The following ADGRL3 variants were observed in gnomAD, a reference collection of about 807,000 sequenced individuals.
ADGRL3 encodes calcium-independent alpha-latrotoxin receptor 3.
In ADGRL3, 62 loss-of-function variants were observed where a neutral mutation model predicts 153.5. The ratio of observed to expected loss-of-function variants is 0.40; its 90% CI spans 0.33 to 0.50. The LOEUF (loss-of-function observed/expected upper bound fraction) is 0.50. Among genes scored for constraint, ADGRL3 ranks in the 20% least tolerant of loss-of-function variants. The pLI, the probability that ADGRL3 is intolerant of heterozygous loss-of-function variation, is 0.47. For synonymous variants in ADGRL3, 710 were observed against 672.5 expected, an observed-to-expected ratio of 1.06 and a Z score of -0.86; for missense variants, 1,641 against 1,859.4, an observed-to-expected ratio of 0.88 and a Z score of 2.16.
chr4:61,756,054 G>C (rs1302005676), intron 8 of ADGRL3, among the ~76,000 whole-genome samples: 1 of 152,152 alleles, frequency 6.6e-6, no homozygotes, highest in Non-Finnish European at 1.5e-5. Flanking sequence ...CAGGTAGCGT[G>C]ATGCCTCCAG....
rs143471819 is a variant in ADGRL3, at chr4:61,701,157, G to A, written c.583+24222G>A. Among the ~76,000 whole-genome samples the A allele has an allele frequency of 2.4e-4, 37 of 152,240 alleles. No individual in the cohort carries two copies. In the East Asian group the frequency reaches 5.8e-3, roughly 24 times the overall value. ...AAAAAGTTGTAAAATCTAGAGGACT[G>A]GAGAAGGAAGACAAATGAAGACATA... is the stretch of plus-strand genomic sequence containing the variant. On this transcript the variant is annotated intron_variant, in intron 6 of 26. Coordinates refer to ENST00000683033, the MANE Select transcript of ADGRL3 (RefSeq NM_001387552.1).
chr4:61,619,884 G>A (rs2092371952), intron 5 of ADGRL3, among the ~76,000 whole-genome samples: 1 of 152,162 alleles, frequency 6.6e-6, no homozygotes, highest in Admixed American at 6.5e-5. Context: ...TGCTAGCTAA[G>A]CAAAAATGTG....
At chr4:61,424,533 C>T (rs1247996149) in intron 2 of ADGRL3, among the ~76,000 whole-genome samples, 3 of 152,126 alleles carry the variant, frequency 2.0e-5, no homozygotes, top group Admixed American at 6.5e-5. Context: ...TGTGGGGGGT[C>T]ATTAGTAAGG....
Position 61,386,707 on chromosome 4 carries a change from C to T in ADGRL3, c.-174+3518C>T, listed in dbSNP as rs58345070. 2.3e-3 allele frequency among the ~76,000 whole-genome samples: 350 copies of T among 152,158 alleles called. 5 individuals are homozygous for T. The highest frequency in any genetic ancestry group is 8.0e-3 in the African/African-American group (334 of 41,534). ...TATGGCAACAAATAAAAATGTATTA[C>T]TTTATCAGCAAATATTTTTAGAAGA... On this transcript the variant is annotated intron_variant, in intron 2 of 26. Coordinates refer to ENST00000683033, the MANE Select transcript of ADGRL3 (RefSeq NM_001387552.1).
chr4:61,548,513 C>T (rs1579463201), intron 4 of ADGRL3, among the ~76,000 whole-genome samples: 1 of 152,140 alleles, frequency 6.6e-6, no homozygotes, highest in East Asian at 1.9e-4. Context: ...CTTAGTTATC[C>T]CAGCACCATT....
intron 1 of ADGRL3, among the ~76,000 whole-genome samples, chr4:61,225,034 T>C (rs544012749): frequency 2.9e-4 from 44 of 152,360 alleles, no homozygotes; most frequent in Middle Eastern, 6.8e-3. Context: ...TTAATTCTCT[T>C]TTCTGGTCTT....
At chr4:61,411,105 G>A (rs971058043) in intron 2 of ADGRL3, among the ~76,000 whole-genome samples, 4 of 152,124 alleles carry the variant, frequency 2.6e-5, no homozygotes, top group Admixed American at 2.6e-4. Context: ...AACTGCACTT[G>A]GTCATATGCC....
chr4:61,758,758 C>T (rs1385478809), intron 8 of ADGRL3, among the ~76,000 whole-genome samples: 1 of 152,128 alleles, frequency 6.6e-6, no homozygotes, highest in Admixed American at 6.6e-5. Context: ...TTAGTTGATG[C>T]AGTTTCTTCC....
At chr4:61,877,324 A>G (rs1284066800) in intron 9 of ADGRL3, among the ~76,000 whole-genome samples, 1 of 152,202 alleles carries the variant, frequency 6.6e-6, no homozygotes, top group Non-Finnish European at 1.5e-5. Context: ...CATTTATATA[A>G]CATCCCTGAA....
rs1254802738 is a variant in ADGRL3 at position 62,074,167 on chromosome 4, A to C, written c.*3259A>C. 3 of 151,946 alleles carry C rather than the reference A, an allele frequency of 2.0e-5. No homozygotes were observed. The highest frequency in any genetic ancestry group is 4.4e-5 in the Non-Finnish European group (3 of 67,978). The allele number at this position is 151,946 out of a possible 1,614,324, so 9.4% of individuals were successfully genotyped here. A position where few individuals can be genotyped will look rare whatever the true frequency, so the allele number is the denominator to read the frequency against. Reference sequence around the variant, plus strand: ...ACATTTATGACCTGCTTATCTGTATATTTTTATGTGTTCATCTGAATTTCC... The same window carrying C: ...ACATTTATGACCTGCTTATCTGTATCTTTTTATGTGTTCATCTGAATTTCC... On this transcript the variant is annotated 3_prime_UTR_variant, in exon 27 of 27. Transcript: ENST00000683033.
intron 9 of ADGRL3, among the ~76,000 whole-genome samples, chr4:61,820,337 TTTACAGATTTTATTACTGAATAGGGG>T (rs1034210345): frequency 3.9e-5 from 6 of 152,162 alleles, no homozygotes; most frequent in Non-Finnish European, 7.4e-5. Context: ...CATTCTTCAA[TTTACAGATTTTATTACTGAATAGGGG>T]TGTAAATTCC....
chr4:62,068,132 T>C, intron 25 of ADGRL3, 34 bp from the exon 26 acceptor site: 1 of 1,517,280 alleles, frequency 6.6e-7, no homozygotes, highest in South Asian at 1.2e-5. Context: ...TTACTTGTTG[T>C]TTTTTCTTTC....
chr4:61,452,190 A>T (rs1194968355), intron 2 of ADGRL3, among the ~76,000 whole-genome samples: 1 of 152,244 alleles, frequency 6.6e-6, no homozygotes, highest in East Asian at 1.9e-4. Context: ...TCCAATGAGT[A>T]GTCGATAATA....
intron 1 of ADGRL3, among the ~76,000 whole-genome samples, chr4:61,213,413 T>C (rs1741073988): frequency 6.6e-6 from 1 of 152,190 alleles, no homozygotes; most frequent in African/African-American, 2.4e-5. Flanking sequence ...TTCCCAATCT[T>C]TCTTCCTAGT....
Position 62,076,516 on chromosome 4 carries a change from T to G in ADGRL3, c.*5608T>G, listed in dbSNP as rs1040370007. 6.6e-6 allele frequency: 1 copy of G among 151,980 alleles called. No individual in the cohort carries two copies. The highest frequency in any genetic ancestry group is 2.4e-5 in the African/African-American group (1 of 41,414). The allele number at this position is 151,980 out of a possible 1,614,324, so 9.4% of individuals were successfully genotyped here. ...TATGGTAAGGTGACAGGACCTAAAC[T>G]AGAGTTACAGAGAAAAGTTTTCCAG... On this transcript the variant is annotated 3_prime_UTR_variant, in exon 27 of 27. Coordinates refer to ENST00000683033, the MANE Select transcript of ADGRL3 (RefSeq NM_001387552.1).
chr4:61,538,542 C>T (rs145182176), intron 4 of ADGRL3, among the ~76,000 whole-genome samples: 22 of 152,244 alleles, frequency 1.4e-4, no homozygotes, highest in Admixed American at 9.1e-4. Flanking sequence ...CAGCTTCAAG[C>T]GATTCTCCTG....
chr4:61,396,363 A>G (rs1270381010), intron 2 of ADGRL3, among the ~76,000 whole-genome samples: 2 of 151,922 alleles, frequency 1.3e-5, no homozygotes, highest in Non-Finnish European at 2.9e-5. Flanking sequence ...TTTAAAAAAG[A>G]AATTATTTAC....
chr4:61,309,319 G>A (rs1187037531), intron 1 of ADGRL3, among the ~76,000 whole-genome samples: 1 of 152,004 alleles, frequency 6.6e-6, no homozygotes, highest in Non-Finnish European at 1.5e-5. Flanking sequence ...GGGGATTTGG[G>A]TCAAGTCATT....
At chr4:61,667,177 A>T (rs2094829246) in intron 5 of ADGRL3, among the ~76,000 whole-genome samples, 1 of 152,194 alleles carries the variant, frequency 6.6e-6, no homozygotes, top group African/African-American at 2.4e-5. Context: ...GTTTTATCAA[A>T]TATTGTCCAG....
Sources: allele counts gnomAD v4.1 joint callset (sites outside exome capture counted in the v4.1 genomes callset), GRCh38; gene constraint gnomAD v4.1.1; transcripts MANE v1.5; gene names NCBI Gene and HGNC (gene_info 2026-07-23, HGNC 2026-07-21).